CRISPLD2: variants seen among roughly 807,000 people sequenced by gnomAD.
The protein encoded by CRISPLD2 is cysteine-rich secretory protein LCCL domain-containing 2.
Under a neutral mutation model 71.1 loss-of-function variants are expected in CRISPLD2, and 47 were observed. That is an observed-to-expected ratio of 0.66 (90% CI 0.52 to 0.84). The LOEUF (loss-of-function observed/expected upper bound fraction) is 0.84. CRISPLD2 is among the 40% of genes least tolerant of loss of function. CRISPLD2 has a pLI of 0.00. For missense variants in CRISPLD2, 830 were observed against 651.1 expected, an observed-to-expected ratio of 1.27 and a Z score of -2.99; for synonymous variants, 317 against 250.1, an observed-to-expected ratio of 1.27 and a Z score of -2.52.
intron 13 of CRISPLD2, among the ~76,000 whole-genome samples, chr16:84,885,582 A>C (rs1228071242): frequency 2.0e-5 from 3 of 152,192 alleles, no homozygotes; most frequent in African/African-American, 7.2e-5. Context: ...CTTTGGGCTA[A>C]GGAACCCCGC....
chr16:84,898,721 C>G lies in CRISPLD2; in HGVS notation c.1440-7867C>G, dbSNP rs557493034. Among the ~76,000 whole-genome samples, 363 of 152,354 alleles carry G rather than the reference C, an allele frequency of 2.4e-3. 1 individual carries two copies. The highest frequency in any genetic ancestry group is 3.9e-3 in the Non-Finnish European group (267 of 68,032). On this transcript the variant is annotated intron_variant, in intron 14 of 14. Transcript: ENST00000262424. ...CACTGGTCTTGTTAACCCCACAGCC[C>G]TGATGCTGCCCAGCACTTGGCACAT...
chr16:84,903,924 A>G (rs201158066), intron 14 of CRISPLD2, among the ~76,000 whole-genome samples: 2,406 of 152,326 alleles, frequency 0.016, 29 homozygotes, highest in Non-Finnish European at 0.024. Context: ...CTGTGGCTGG[A>G]AGTTCTACTG....
At chr16:84,842,000 G>C (rs1395806915) in intron 2 of CRISPLD2, 6 of 153,042 alleles carry the variant, frequency 3.9e-5, no homozygotes, top group Non-Finnish European at 7.3e-5. Context: ...GGCGGTATTT[G>C]GGCGGGAGGC....
At chr16:84,878,198 T>C (rs1386429479) in intron 12 of CRISPLD2, among the ~76,000 whole-genome samples, 1 of 152,052 alleles carries the variant, frequency 6.6e-6, no homozygotes, top group Non-Finnish European at 1.5e-5. Flanking sequence ...CACTCCAGCC[T>C]GGGTGACAGA....
At chr16:84,841,673 G>A (rs758568099) in intron 2 of CRISPLD2, among the ~76,000 whole-genome samples, 2 of 151,726 alleles carry the variant, frequency 1.3e-5, no homozygotes, top group African/African-American at 2.4e-5. Flanking sequence ...TCGGCTCACT[G>A]CAACCCCCGA....
intron 6 of CRISPLD2, among the ~76,000 whole-genome samples, chr16:84,861,226 A>G (rs567230979): frequency 1.3e-5 from 2 of 152,256 alleles, no homozygotes; most frequent in East Asian, 3.9e-4. Flanking sequence ...CCTAAAACCA[A>G]TGAAAGAACT....
chr16:84,878,490 G>T (rs1419858329), intron 12 of CRISPLD2, among the ~76,000 whole-genome samples: 1 of 152,190 alleles, frequency 6.6e-6, no homozygotes, highest in African/African-American at 2.4e-5. Context: ...TGGAGACTCA[G>T]CCGTGTTGTG....
At chr16:84,906,557 A>T in intron 14 of CRISPLD2, 31 bp from the exon 15 acceptor site, 1 of 1,610,752 alleles carries the variant, frequency 6.2e-7, no homozygotes, top group Admixed American at 1.7e-5. Flanking sequence ...CAGATCTCTC[A>T]GTAACGGGCC....
intron 3 of CRISPLD2, among the ~76,000 whole-genome samples, chr16:84,847,650 C>CAA (rs146057638): frequency 2.1e-4 from 27 of 130,796 alleles, no homozygotes; most frequent in African/African-American, 5.4e-4. Context: ...GAATTCGTCT[C>CAA]AAAAAAAAAA....
In CRISPLD2 at chr16:84,850,651, C is replaced by T. The variant is rs572744640; in HGVS notation, c.576C>T (p.Asn192=). ...KMTVWGEVWE[N]AVYFVCNYSP... is the part of the protein sequence containing the mutation. The stretch of plus-strand genomic sequence containing the variant: ...CTGTCTGGGGAGAAGTTTGGGAGAA[C>T]GCGGTCTACTTTGTCTGCAATTATT... Residue 192 remains asparagine, a synonymous_variant, in exon 5 of 15, where the codon AAC becomes AAT. Coordinates refer to ENST00000262424, the MANE Select transcript of CRISPLD2 (RefSeq NM_031476.4). 8.0e-5 allele frequency: 129 copies of T among 1,614,054 alleles called. No individual in the cohort carries two copies. In the East Asian group the frequency reaches 1.1e-3, roughly 14 times the overall value.
In CRISPLD2 at chr16:84,837,477, C is replaced by T. The variant is rs1407256154; in HGVS notation, c.-74-945C>T. 4.7e-5 allele frequency among the ~76,000 whole-genome samples: 7 copies of T among 148,556 alleles called. No homozygotes were observed. The South Asian group carries it at 8.4e-4, about 18-fold the overall frequency. ...TGTCGCCCAGGCTAGTGTGCAGTGG[C>T]GCAATCTCGGCTCACTGCAAGCTCC... On this transcript the variant is annotated intron_variant, in intron 1 of 14. Coordinates refer to ENST00000262424, the MANE Select transcript of CRISPLD2 (RefSeq NM_031476.4).
intron 1 of CRISPLD2, among the ~76,000 whole-genome samples, chr16:84,837,067 C>T (rs542885170): frequency 2.6e-5 from 4 of 152,344 alleles, no homozygotes; most frequent in East Asian, 1.9e-4. Context: ...GTCTCCATCT[C>T]GGAGTCCAGC....
intron 5 of CRISPLD2, 104 bp downstream of exon 5, chr16:84,850,787 T>C: frequency 1.2e-6 from 1 of 815,028 alleles, no homozygotes. Flanking sequence ...CTTTAATATC[T>C]CACATAACAA....
At chr16:84,827,251 T>C (rs1049642813) in intron 1 of CRISPLD2, among the ~76,000 whole-genome samples, 1 of 152,142 alleles carries the variant, frequency 6.6e-6, no homozygotes, top group African/African-American at 2.4e-5. Context: ...TGGCCCCTTC[T>C]GTTGGTTGAG....
At chr16:84,873,882 A>G in intron 10 of CRISPLD2, 38 bp from the exon 11 acceptor site, 3 of 1,536,206 alleles carry the variant, frequency 2.0e-6, no homozygotes, top group Non-Finnish European at 8.8e-7. Flanking sequence ...ATTTGCATTT[A>G]CCTAATGCCC....
At chr16:84,826,066 A>G (rs36028059) in intron 1 of CRISPLD2, among the ~76,000 whole-genome samples, 53,601 of 152,062 alleles carry the variant, frequency 0.35, 10,477 homozygotes, top group South Asian at 0.43. Flanking sequence ...TGGGGCTGGC[A>G]GTCTGTTGTA....
intron 5 of CRISPLD2, among the ~76,000 whole-genome samples, chr16:84,852,213 G>A (rs1917108491): frequency 6.6e-6 from 1 of 152,210 alleles, no homozygotes; most frequent in Non-Finnish European, 1.5e-5. Context: ...CTGTCTCCAA[G>A]TACAGTCACA....
chr16:84,880,117 G>A (rs554465298), intron 12 of CRISPLD2, among the ~76,000 whole-genome samples: 4 of 152,232 alleles, frequency 2.6e-5, no homozygotes, highest in South Asian at 4.1e-4. Context: ...ACAGGGAAGC[G>A]GCCTTAGAAA....
intron 5 of CRISPLD2, 121 bp downstream of exon 5, chr16:84,850,804 T>TCACATAACAA (rs1786139300): frequency 1.4e-6 from 1 of 728,914 alleles, no homozygotes; most frequent in African/African-American, 1.7e-5. Flanking sequence ...ACAAAGAATC[T>TCACATAACAA]AGAGTTTAGT....
Sources: allele counts gnomAD v4.1 joint callset (sites outside exome capture counted in the v4.1 genomes callset), GRCh38; gene constraint gnomAD v4.1.1; transcripts MANE v1.5; gene names NCBI Gene and HGNC (gene_info 2026-07-23, HGNC 2026-07-21).